The following CEP76 variants were observed in gnomAD, a reference collection of about 807,000 sequenced individuals.
CEP76 encodes centrosomal protein of 76 kDa.
CEP76 carries 55 observed loss-of-function variants against 83.3 expected under a neutral mutation model. The observed-to-expected ratio is 0.66, with a 90% CI of 0.53 to 0.83. The LOEUF is 0.83. CEP76 is among the 40% of genes least tolerant of loss of function. CEP76 has a pLI of 0.00. For missense variants in CEP76, 694 were observed against 799.5 expected (o/e 0.87, Z 1.59); for synonymous variants, 270 against 274.5 (o/e 0.98, Z 0.16).
intron 12 of CEP76, among the ~76,000 whole-genome samples, chr18:12,667,606 C>G (rs1340917379): frequency 1.3e-5 from 2 of 149,786 alleles, no homozygotes; most frequent in African/African-American, 4.9e-5. Flanking sequence ...AGTAAAAATA[C>G]AAAAATTAGC....
Position 12,701,014 on chromosome 18 carries a change from C to T in CEP76, c.163G>A (p.Ala55Thr). Reference protein sequence around the residue: ...QHLSTEDLIKALRRRGIIDDV... With the variant: ...QHLSTEDLIKTLRRRGIIDDV... Reference sequence around the variant, plus strand: ...TCAATGATTCCTCGACGTCTAAGGGCTTTGATCAAATCTTCTGTTGATAAA... The same window carrying T: ...TCAATGATTCCTCGACGTCTAAGGGTTTTGATCAAATCTTCTGTTGATAAA... The change falls in exon 2 of 12, where the codon GCC becomes ACC. Residue 55 changes from alanine to threonine, a missense_variant. Transcript: ENST00000262127. 6.2e-7 allele frequency: 1 copy of T among 1,613,954 alleles called. No homozygotes were observed. The highest frequency in any genetic ancestry group is 1.1e-5 in the South Asian group (1 of 91,066).
rs2040089592 is a variant in CEP76 at position 12,699,837 on chromosome 18, T to TA, written c.287dup (p.Leu96PhefsTer5). ...ATGTTAAAATATACATACTTTTTTT[T>TA]AATGTCGATTGTCTATCAAAACAAA... On this transcript the variant is annotated frameshift_variant, in exon 3 of 12. Transcript: ENST00000262127. LOFTEE classifies it high-confidence loss of function. 2 of 1,554,434 alleles carry TA rather than the reference T, an allele frequency of 1.3e-6. No homozygotes were observed. The highest frequency in any genetic ancestry group is 1.8e-6 in the Non-Finnish European group (2 of 1,140,240).
At position 12,673,522 on chromosome 18, in the gene CEP76, A is replaced by T. The variant is rs762653437; in HGVS notation, c.1842-19T>A. The T allele has an allele frequency of 3.2e-6, 5 of 1,538,714 alleles. No individual in the cohort carries two copies. Among genetic ancestry groups the T allele is most frequent in the Non-Finnish European group, 4.4e-6 (5 of 1,142,694 alleles). ...AGGAGATCTATTTAAGAAAAAAAAA[A>T]TTATTCAATTAAGAAGTGACCATAC... On this transcript the variant is annotated intron_variant, in intron 11 of 11. Transcript: ENST00000262127.
intron 12 of CEP76, among the ~76,000 whole-genome samples, chr18:12,666,841 G>T (rs1277294125): frequency 6.6e-6 from 1 of 151,958 alleles, no homozygotes; most frequent in Non-Finnish European, 1.5e-5. Context: ...TTCCAATCAG[G>T]TTTATCAAAA....
chr18:12,673,646 GAGAC>G, intron 11 of CEP76, 143 bp from the exon 12 acceptor site: 2 of 542,076 alleles, frequency 3.7e-6, no homozygotes, highest in Non-Finnish European at 6.1e-6. Flanking sequence ...TTGGGAGGCC[GAGAC>G]AGGTGGATCA....
chr18:12,702,312 G>A lies in CEP76; in HGVS notation c.63+174C>T, dbSNP rs1041982308. On this transcript the variant is annotated intron_variant, in intron 1 of 11. Transcript: ENST00000262127. The stretch of plus-strand genomic sequence containing the variant: ...TGCTCGGCTCGTTTTCTTTCTCGGA[G>A]ACGAGGACGCTCTCCTGCCTCAAAC... 15 of 558,332 alleles carry A rather than the reference G, an allele frequency of 2.7e-5. No homozygotes were observed. In the Admixed American group the frequency reaches 4.2e-4, roughly 15 times the overall value. The allele number at this position is 558,332 out of a possible 1,614,324, so 34.6% of individuals were successfully genotyped here.
downstream of CEP76, among the ~76,000 whole-genome samples, chr18:12,668,734 CTTTTTTT>C (rs543253434): frequency 2.0e-4 from 19 of 96,736 alleles, no homozygotes; most frequent in Admixed American, 2.6e-4. Flanking sequence ...CACTTTATTC[CTTTTTTT>C]TTTTTTTTTT....
intron 7 of CEP76, 103 bp downstream of exon 7, chr18:12,691,251 CTTTTA>C (rs2039751042): frequency 1.1e-5 from 8 of 699,084 alleles, no homozygotes; most frequent in Non-Finnish European, 1.5e-5. Context: ...TACAAATACA[CTTTTA>C]TTTTTTGGAA....
At chr18:12,689,740 C>CTA (rs2039678479) in intron 7 of CEP76, among the ~76,000 whole-genome samples, 1 of 151,968 alleles carries the variant, frequency 6.6e-6, no homozygotes, top group Non-Finnish European at 1.5e-5. Flanking sequence ...ATGCCTCAGA[C>CTA]TATATAGACA....
intron 6 of CEP76, among the ~76,000 whole-genome samples, chr18:12,694,865 C>T (rs2039893830): frequency 6.6e-6 from 1 of 151,920 alleles, no homozygotes; most frequent in African/African-American, 2.4e-5. Context: ...TGCCTGCCAC[C>T]ACGCCCGGCT....
intron 8 of CEP76, chr18:12,685,751 C>T (rs12957603): frequency 0.24 from 36,083 of 152,346 alleles, 4,957 homozygotes; most frequent in Non-Finnish European, 0.32. Flanking sequence ...CCTGCCTCAG[C>T]CTCCTGAGTA....
At chr18:12,687,555 C>T (rs767252393) in intron 7 of CEP76, among the ~76,000 whole-genome samples, 4 of 150,136 alleles carry the variant, frequency 2.7e-5, no homozygotes, top group South Asian at 2.1e-4. Context: ...TGGGTTCAAG[C>T]GATTCTTGTG....
At chr18:12,678,537 A>C (rs929102566) in intron 9 of CEP76, 95 bp from the exon 10 acceptor site, 1 of 720,108 alleles carries the variant, frequency 1.4e-6, no homozygotes, top group African/African-American at 1.8e-5. Context: ...GGCCATAACT[A>C]CTTCTCAGAA....
chr18:12,663,310 AG>A (rs1294443847), intron 12 of CEP76: 1 of 152,176 alleles, frequency 6.6e-6, no homozygotes, highest in Admixed American at 6.6e-5. Context: ...CAGGCTCTTG[AG>A]GCCAAGGCTT....
rs200658571 is a variant in CEP76 at position 12,674,520 on chromosome 18, G to C, written c.1841+16C>G. 1 of 1,594,192 alleles carries C rather than the reference G, an allele frequency of 6.3e-7. No homozygotes were observed. Among genetic ancestry groups the C allele is most frequent in the East Asian group, 2.2e-5 (1 of 44,678 alleles). ...ACTCCTAAACTGAAAAAATGATTCC[G>C]TAAATTACACCTTACCGAAGACATG... On this transcript the variant is annotated intron_variant, in intron 11 of 11. Transcript: ENST00000262127.
rs2039749223 is a variant in CEP76, at chr18:12,691,216, A to G, written c.933+143T>C. The G allele has an allele frequency of 9.3e-6, 5 of 539,218 alleles. No homozygotes were observed. In the South Asian group the frequency reaches 1.5e-4, roughly 16 times the overall value. The allele number at this position is 539,218 out of a possible 1,614,324, so 33.4% of individuals were successfully genotyped here. A position where few individuals can be genotyped will look rare whatever the true frequency, so the allele number is the denominator to read the frequency against. ...GCCACTCACTATGCAGTGAAAGAGA[A>G]TATTACAAAATCAGCATTTTATTTT... On this transcript the variant is annotated intron_variant, in intron 7 of 11. Coordinates refer to ENST00000262127, the MANE Select transcript of CEP76 (RefSeq NM_024899.4).
rs147413628 is a variant in CEP76 at position 12,674,563 on chromosome 18, G to A, written c.1814C>T (p.Ala605Val). 4.3e-6 allele frequency: 7 copies of A among 1,613,562 alleles called. No individual in the cohort carries two copies. Among genetic ancestry groups the A allele is most frequent in the Non-Finnish European group, 5.1e-6 (6 of 1,179,768 alleles). Residue 605 changes from alanine to valine, a missense_variant, in exon 11 of 12, where the codon GCA becomes GTA. By Grantham distance (64) the Ala-to-Val change is moderately conservative (BLOSUM62 0). Coordinates refer to ENST00000262127, the MANE Select transcript of CEP76 (RefSeq NM_024899.4). ...GFPIHFVYRNARRAFATCLRS... is the reference protein window; with the variant it reads ...GFPIHFVYRNVRRAFATCLRS... ...AAGACATGTGGCAAATGCACGTCTTGCATTTCTATACACAAAATGTATTGG... is the reference window on the plus strand; with the variant it reads ...AAGACATGTGGCAAATGCACGTCTTACATTTCTATACACAAAATGTATTGG...
chr18:12,673,371 T>C lies in CEP76; in HGVS notation c.1974A>G (p.Val658=). 6.2e-7 allele frequency: 1 copy of C among 1,606,040 alleles called. No homozygotes were observed. The highest frequency in any genetic ancestry group is 8.5e-7 in the Non-Finnish European group (1 of 1,177,518). Residue 658 remains valine (V), a synonymous_variant, in exon 12 of 12, where the codon GTA becomes GTG. Transcript: ENST00000262127. ...TCTTATATAAATATTGGCCCTATAA[T>C]ACCGAGCGATATTTACAAGCAAACA... The part of the protein sequence containing the change: ...WIMFACKYRS[V]L
Position 12,702,619 on chromosome 18 carries a change from C to T in CEP76, c.-71G>A. The T allele has an allele frequency of 3.9e-6, 6 of 1,520,038 alleles. 1 individual carries two copies. In the South Asian group the frequency reaches 7.2e-5, roughly 18 times the overall value. The allele number at this position is 1,520,038 out of a possible 1,614,324, so 94.2% of individuals were successfully genotyped here. ...CCTAACTGCGCGGCCCCGGCCGGGCCAGGGAGCGTTAGGAGCGACTGGAGC... is the reference window on the plus strand; with the variant it reads ...CCTAACTGCGCGGCCCCGGCCGGGCTAGGGAGCGTTAGGAGCGACTGGAGC... On this transcript the variant is annotated 5_prime_UTR_variant, in exon 1 of 12. Transcript: ENST00000262127.
Sources: gnomAD v4.1 joint callset for allele counts (sites outside exome capture counted in the v4.1 genomes callset) on GRCh38, gnomAD v4.1.1 for gene constraint, MANE v1.5 for transcripts, NCBI Gene and HGNC (gene_info 2026-07-23, HGNC 2026-07-21) for gene names.